The following HMOX2 variants were observed in gnomAD, a reference collection of about 807,000 sequenced individuals.
HMOX2 encodes heme oxygenase 2.
A neutral mutation model predicts 33.7 loss-of-function variants in HMOX2; 30 were observed. That is an observed-to-expected ratio of 0.89 (90% CI 0.67 to 1.21). The LOEUF is 1.21. Ranked by LOEUF, HMOX2 falls within the 50% of genes most tolerant of loss-of-function variation. The pLI, the probability that HMOX2 is intolerant of heterozygous loss-of-function variation, is 0.00. For missense variants in HMOX2, 403 were observed against 399.1 expected (o/e 1.01, Z -0.08); for synonymous variants, 155 against 155.0 (o/e 1.00, Z 0.00).
At chr16:4,508,327 G>A (rs2058747906) in intron 4 of HMOX2, 123 bp downstream of exon 4, 1 of 1,175,064 alleles carries the variant, frequency 8.5e-7, no homozygotes. Context: ...GGTGCCGAGA[G>A]GAAGGTGGCC....
chr16:4,482,097 C>G (rs1192532431), intron 1 of HMOX2, among the ~76,000 whole-genome samples: 1 of 152,122 alleles, frequency 6.6e-6, no homozygotes, highest in African/African-American at 2.4e-5. Context: ...TAGCAGGTAT[C>G]CCAGTAATTA....
At chr16:4,500,548 C>A (rs2058533747) in intron 1 of HMOX2, among the ~76,000 whole-genome samples, 1 of 152,184 alleles carries the variant, frequency 6.6e-6, no homozygotes, top group Admixed American at 6.5e-5. Flanking sequence ...AACCTGCTCT[C>A]TTCCTTCAGT....
chr16:4,478,311 A>G (rs1240583846), intron 1 of HMOX2, among the ~76,000 whole-genome samples: 5 of 152,148 alleles, frequency 3.3e-5, no homozygotes, highest in African/African-American at 1.2e-4. Flanking sequence ...GTCTGTTGAA[A>G]ACTTGTAAAA....
chr16:4,509,426 G>C lies in HMOX2; in HGVS notation c.711G>C (p.Leu237=), dbSNP rs1281941499. The change falls in exon 5 of 6, where the codon CTG becomes CTC. Residue 237 remains leucine, a synonymous_variant. Coordinates refer to ENST00000570646, the MANE Select transcript of HMOX2 (RefSeq NM_002134.4). ...FEYNMQIFNE[L]DQAGSTLARE... The stretch of plus-strand genomic sequence containing the variant: ...TGCTCCTGCAGATATTCAATGAACT[G>C]GACCAGGCCGGCTCCACACTGGCCA... 1.2e-6 allele frequency: 2 copies of C among 1,613,960 alleles called. No homozygotes were observed. Among genetic ancestry groups the C allele is most frequent in the Admixed American group, 3.3e-5 (2 of 60,000 alleles).
At chr16:4,480,884 T>C (rs147042258) in intron 1 of HMOX2, among the ~76,000 whole-genome samples, 17,283 of 150,234 alleles carry the variant, frequency 0.12, 2,062 homozygotes, top group African/African-American at 0.3. Flanking sequence ...AAACTTCTGA[T>C]GTCAGGTGAT....
chr16:4,505,678 T>C, intron 2 of HMOX2, 68 bp downstream of exon 2: 1 of 1,160,716 alleles, frequency 8.6e-7, no homozygotes, highest in Admixed American at 2.2e-5. Context: ...GCACACCTGG[T>C]TTTGTCTGTT....
intron 1 of HMOX2, among the ~76,000 whole-genome samples, chr16:4,499,989 A>G (rs990922783): frequency 3.9e-5 from 6 of 152,318 alleles, no homozygotes; most frequent in Middle Eastern, 3.4e-3. Flanking sequence ...CTTTCTCAGT[A>G]GGAACTCCAT....
intron 1 of HMOX2, among the ~76,000 whole-genome samples, chr16:4,477,598 A>C (rs1415427131): frequency 6.6e-5 from 10 of 151,850 alleles, no homozygotes; most frequent in Non-Finnish European, 1.3e-4. Context: ...ATGGCGCTAC[A>C]AACCAGACAA....
At chr16:4,497,981 C>T (rs988407042) in intron 1 of HMOX2, among the ~76,000 whole-genome samples, 1 of 151,706 alleles carries the variant, frequency 6.6e-6, no homozygotes, top group Non-Finnish European at 1.5e-5. Context: ...CCTTCTTGCC[C>T]AAATGCGCAA....
intron 1 of HMOX2, among the ~76,000 whole-genome samples, chr16:4,486,307 C>G (rs982749729): frequency 4.6e-5 from 7 of 152,222 alleles, no homozygotes; most frequent in Non-Finnish European, 8.8e-5. Flanking sequence ...TGCCTGAGTA[C>G]TTGTCCAAAG....
At chr16:4,504,455 G>A (rs927494396) in intron 1 of HMOX2, among the ~76,000 whole-genome samples, 2 of 148,658 alleles carry the variant, frequency 1.3e-5, no homozygotes, top group African/African-American at 5.0e-5. Flanking sequence ...CTGCTTCGTA[G>A]GTTCAAGTGA....
At chr16:4,498,386 C>CTT (rs571228130) in intron 1 of HMOX2, among the ~76,000 whole-genome samples, 141 of 142,348 alleles carry the variant, frequency 9.9e-4, no homozygotes, top group African/African-American at 3.4e-3. Flanking sequence ...TTAACTTGCT[C>CTT]TTTTTTTTTT....
At chr16:4,501,960 G>A (rs998309278) in intron 1 of HMOX2, among the ~76,000 whole-genome samples, 2 of 152,134 alleles carry the variant, frequency 1.3e-5, no homozygotes, top group South Asian at 2.1e-4. Context: ...CTTTCAGCCC[G>A]CCTTGAGAAC....
At chr16:4,483,336 G>C (rs1358927708) in intron 1 of HMOX2, among the ~76,000 whole-genome samples, 1 of 151,934 alleles carries the variant, frequency 6.6e-6, no homozygotes, top group Non-Finnish European at 1.5e-5. Flanking sequence ...AGGGCTGAAA[G>C]TTCCCACCCT....
chr16:4,495,055 G>A (rs2058386700), intron 1 of HMOX2, among the ~76,000 whole-genome samples: 1 of 152,154 alleles, frequency 6.6e-6, no homozygotes, highest in South Asian at 2.1e-4. Flanking sequence ...AGAAGAGAGG[G>A]CTGCATTTAC....
upstream of HMOX2, chr16:4,474,793 C>G (rs1170919493): frequency 6.6e-6 from 1 of 152,344 alleles, no homozygotes; most frequent in African/African-American, 2.4e-5. Flanking sequence ...CGGGTGATGA[C>G]TGGGAGGAGG....
chr16:4,503,040 C>T (rs976760128), intron 1 of HMOX2: 2 of 152,208 alleles, frequency 1.3e-5, no homozygotes, highest in African/African-American at 4.8e-5. Context: ...CGGTCTCGGA[C>T]TCCTGACCTC....
intron 1 of HMOX2, among the ~76,000 whole-genome samples, chr16:4,490,486 A>G (rs1298086731): frequency 1.3e-5 from 2 of 152,208 alleles, no homozygotes; most frequent in Non-Finnish European, 1.5e-5. Flanking sequence ...ACGAAAATCA[A>G]ATTTCTCCCA....
intron 1 of HMOX2, among the ~76,000 whole-genome samples, chr16:4,487,591 C>A (rs1224339475): frequency 6.6e-6 from 1 of 152,232 alleles, no homozygotes; most frequent in South Asian, 2.1e-4. Flanking sequence ...ATCACAAGGT[C>A]AGGAGATCGA....
Sources: gnomAD v4.1 joint callset for allele counts (sites outside exome capture counted in the v4.1 genomes callset) on GRCh38, gnomAD v4.1.1 for gene constraint, MANE v1.5 for transcripts, NCBI Gene and HGNC (gene_info 2026-07-23, HGNC 2026-07-21) for gene names.